The following SOX6 variants were observed in gnomAD, a reference collection of about 807,000 sequenced individuals.
SOX6 encodes the protein SRY-box transcription factor 6, also known as transcription factor SOX-6.
SOX6 carries 11 observed loss-of-function variants against 97.8 expected under a neutral mutation model. The observed-to-expected ratio is 0.11, with a 90% CI of 0.07 to 0.19. The LOEUF (loss-of-function observed/expected upper bound fraction) is 0.19. Ranked by LOEUF, SOX6 falls within the 10% of genes least tolerant of loss-of-function variation. The pLI, the probability that SOX6 is intolerant of heterozygous loss-of-function variation, is 1.00. For missense variants in SOX6, 810 were observed against 1,039.5 expected (o/e 0.78, Z 3.04); for synonymous variants, 360 against 371.4 (o/e 0.97, Z 0.35).
intron 1 of SOX6, among the ~76,000 whole-genome samples, chr11:16,448,812 C>T (rs1430314825): frequency 6.6e-6 from 1 of 152,050 alleles, no homozygotes; most frequent in Admixed American, 6.6e-5. Flanking sequence ...CAGGAGGATC[C>T]CTTGAACCCA....
intron 12 of SOX6, among the ~76,000 whole-genome samples, chr11:16,023,985 C>A (rs1855144953): frequency 6.6e-6 from 1 of 151,978 alleles, no homozygotes; most frequent in Non-Finnish European, 1.5e-5. Flanking sequence ...TCATAGGTAC[C>A]CCTAGTACCT....
intron 12 of SOX6, among the ~76,000 whole-genome samples, chr11:16,022,232 G>A (rs1361788668): frequency 6.6e-6 from 1 of 152,108 alleles, no homozygotes; most frequent in Non-Finnish European, 1.5e-5. Flanking sequence ...TACGATGACA[G>A]TGTCCTTATC....
At chr11:16,711,557 T>TA (rs1211804280) in intron 3 of SOX6, among the ~76,000 whole-genome samples, 2 of 152,184 alleles carry the variant, frequency 1.3e-5, no homozygotes, top group African/African-American at 2.4e-5. Context: ...ACTTTTAAGA[T>TA]AAAATCTTAA....
In SOX6 at chr11:16,492,681, A is replaced by T. The variant is rs549715981; in HGVS notation, n.610-16293T>A. On this transcript the variant is annotated intron_variant and non_coding_transcript_variant, in intron 4 of 5. Coordinates refer to the SOX6 transcript ENST00000524520. ...GATTATCTCCCAAAAAGCTATCAGTACCCTAGTCCTCATCAAAAGGCTCTA... is the reference window on the plus strand; with the variant it reads ...GATTATCTCCCAAAAAGCTATCAGTTCCCTAGTCCTCATCAAAAGGCTCTA... 6.6e-5 allele frequency among the ~76,000 whole-genome samples: 10 copies of T among 152,300 alleles called. No homozygotes were observed. The South Asian group carries it at 2.1e-3, about 32-fold the overall frequency.
intron 4 of SOX6, among the ~76,000 whole-genome samples, chr11:16,494,735 T>C (rs1435234279): frequency 6.6e-6 from 1 of 152,122 alleles, no homozygotes; most frequent in Non-Finnish European, 1.5e-5. Flanking sequence ...GCTGGGAGGT[T>C]GGAGAGACTC....
At chr11:16,502,666 A>C (rs1186202665) in intron 4 of SOX6, among the ~76,000 whole-genome samples, 1 of 152,150 alleles carries the variant, frequency 6.6e-6, no homozygotes, top group Non-Finnish European at 1.5e-5. Flanking sequence ...AGTCAGATTA[A>C]AATAAAGAAA....
intron 2 of SOX6, among the ~76,000 whole-genome samples, chr11:16,715,243 C>G (rs1182218742): frequency 6.6e-6 from 1 of 152,180 alleles, no homozygotes; most frequent in Admixed American, 6.5e-5. Flanking sequence ...AAATATCTCT[C>G]ATTAGTAATT....
chr11:16,600,558 A>G (rs964737967), intron 4 of SOX6, among the ~76,000 whole-genome samples: 6 of 152,154 alleles, frequency 3.9e-5, no homozygotes, highest in African/African-American at 1.4e-4. Context: ...AGTAGATTTA[A>G]ATGATATTCC....
intron 3 of SOX6, among the ~76,000 whole-genome samples, chr11:16,666,881 G>C (rs1847811003): frequency 6.6e-6 from 1 of 151,850 alleles, no homozygotes; most frequent in South Asian, 2.1e-4. Flanking sequence ...GTCTTAAAAG[G>C]GCAAATCTAA....
At chr11:16,312,991 C>A (rs897751480) in intron 3 of SOX6, 1 of 152,128 alleles carries the variant, frequency 6.6e-6, no homozygotes, top group Non-Finnish European at 1.5e-5. Context: ...TACCTACATA[C>A]CAATTTACCA....
chr11:16,269,854 C>T (rs1854197525), intron 3 of SOX6: 1 of 151,204 alleles, frequency 6.6e-6, no homozygotes, highest in South Asian at 2.1e-4. Context: ...GGTATGCTAT[C>T]ACATCATCTG....
At chr11:16,598,636 T>G (rs61883871) in intron 4 of SOX6, among the ~76,000 whole-genome samples, 1 of 150,014 alleles carries the variant, frequency 6.7e-6, no homozygotes, top group Non-Finnish European at 1.5e-5. Flanking sequence ...TGCCTGGGAA[T>G]GAGTATGCTC....
intron 3 of SOX6, among the ~76,000 whole-genome samples, chr11:16,277,934 A>C (rs531519567): frequency 1.3e-5 from 2 of 152,358 alleles, no homozygotes; most frequent in East Asian, 1.9e-4. Context: ...TAGTATCTAC[A>C]TCATAGAGTT....
At chr11:16,473,742 G>A (rs1860185864) in intron 1 of SOX6, among the ~76,000 whole-genome samples, 1 of 151,998 alleles carries the variant, frequency 6.6e-6, no homozygotes, top group Non-Finnish European at 1.5e-5. Flanking sequence ...AGTAGAGATG[G>A]AGTTTCACCA....
At chr11:16,200,193 A>G (rs1851897035) in intron 4 of SOX6, among the ~76,000 whole-genome samples, 1 of 152,162 alleles carries the variant, frequency 6.6e-6, no homozygotes, top group South Asian at 2.1e-4. Flanking sequence ...TGGAAGAATG[A>G]CCCTGTGTCA....
At chr11:16,205,504 G>A (rs900476873) in intron 4 of SOX6, among the ~76,000 whole-genome samples, 1 of 151,948 alleles carries the variant, frequency 6.6e-6, no homozygotes, top group Admixed American at 6.6e-5. Flanking sequence ...TGGAAACAAG[G>A]TATCAAAATA....
rs537999210 is a variant in SOX6 at position 16,658,234 on chromosome 11, C to T, written n.430-45974G>A. On this transcript the variant is annotated intron_variant and non_coding_transcript_variant, in intron 3 of 5. Transcript: ENST00000524520. The stretch of plus-strand genomic sequence containing the variant: ...TAACTGTGGTTCTACCTGGTATTTC[C>T]GTGATTACCAGTGAGACAGAGCATC... Among the ~76,000 whole-genome samples the T allele has an allele frequency of 1.3e-4, 20 of 152,156 alleles. No individual in the cohort carries two copies. In the South Asian group the frequency reaches 2.9e-3, roughly 22 times the overall value.
intron 1 of SOX6, among the ~76,000 whole-genome samples, chr11:16,355,856 C>G (rs1477208922): frequency 6.6e-6 from 1 of 151,930 alleles, no homozygotes. Flanking sequence ...TAAAGGTATG[C>G]ATATTCAACC....
intron 6 of SOX6, among the ~76,000 whole-genome samples, chr11:16,140,584 T>A (rs1297773638): frequency 6.6e-6 from 1 of 152,218 alleles, no homozygotes. Flanking sequence ...TGGTTCAGTG[T>A]CTGGCAGATA....
Sources: allele counts gnomAD v4.1 joint callset (sites outside exome capture counted in the v4.1 genomes callset), GRCh38; gene constraint gnomAD v4.1.1; transcripts MANE v1.5; gene names NCBI Gene and HGNC (gene_info 2026-07-23, HGNC 2026-07-21).